CSF1: variants seen among roughly 807,000 people sequenced by gnomAD.
The protein encoded by CSF1 is macrophage colony-stimulating factor 1.
In CSF1, 9 loss-of-function variants were observed where a neutral mutation model predicts 48.9. The observed-to-expected ratio is 0.18, with a 90% CI of 0.11 to 0.32. The LOEUF (loss-of-function observed/expected upper bound fraction) is 0.32. Among genes scored for constraint, CSF1 ranks in the 10% least tolerant of loss-of-function variants. The probability of loss-of-function intolerance (pLI) is 1.00; values close to 1 mark genes in which losing one functional copy is unlikely to be tolerated. For synonymous variants in CSF1, 305 were observed against 284.1 expected (o/e 1.07, Z -0.74); for missense variants, 672 against 697.9 (o/e 0.96, Z 0.42).
intron 8 of CSF1, 58 bp downstream of exon 8, chr1:109,925,260 C>G: frequency 1.4e-6 from 2 of 1,459,378 alleles, no homozygotes; most frequent in Middle Eastern, 1.8e-4. Flanking sequence ...TTTCCAGTCA[C>G]GTTCACCTGT....
chr1:109,925,055 A>G, intron 7 of CSF1, 92 bp from the exon 8 acceptor site: 2 of 1,225,218 alleles, frequency 1.6e-6, no homozygotes, highest in South Asian at 1.2e-5. Context: ...GAGGGCCTAG[A>G]GCATGTCTGG....
chr1:109,911,981 G>A (rs1042647875), intron 1 of CSF1, among the ~76,000 whole-genome samples: 1 of 152,038 alleles, frequency 6.6e-6, no homozygotes, highest in Non-Finnish European at 1.5e-5. Context: ...AGTCCTGGAA[G>A]AAAATGAGAG....
rs113687620 is a variant in CSF1 at position 109,923,265 on chromosome 1, T to A, written c.644T>A (p.Met215Lys). The change falls in exon 6 of 9, where the codon ATG (methionine) becomes AAG (lysine). Residue 215 changes from methionine (M) to lysine (K), a missense_variant. Coordinates refer to ENST00000329608, the MANE Select transcript of CSF1 (RefSeq NM_000757.6). ...CCTCATCAGCCCCTCGCCCCCTCCA[T>A]GGCCCCTGTGGCTGGCTTGACCTGG... ...VSPHQPLAPS[M>K]APVAGLTWED... 12 of 1,610,822 alleles carry A rather than the reference T, an allele frequency of 7.4e-6. No homozygotes were observed. Among genetic ancestry groups the A allele is most frequent in the African/African-American group, 1.3e-5 (1 of 74,826 alleles).
At chr1:109,914,791 C>G (rs935253190) in intron 2 of CSF1, among the ~76,000 whole-genome samples, 2 of 152,246 alleles carry the variant, frequency 1.3e-5, no homozygotes, top group Non-Finnish European at 2.9e-5. Flanking sequence ...ATATGTGGCG[C>G]CAGTCTGGCA....
intron 4 of CSF1, among the ~76,000 whole-genome samples, chr1:109,918,689 C>A (rs774907530): frequency 4.6e-5 from 7 of 152,006 alleles, no homozygotes; most frequent in Non-Finnish European, 8.8e-5. Flanking sequence ...CGGGGATGAT[C>A]CATGGGCAGA....
intron 8 of CSF1, among the ~76,000 whole-genome samples, chr1:109,927,230 C>T (rs146373228): frequency 3.3e-5 from 5 of 152,338 alleles, no homozygotes; most frequent in South Asian, 4.1e-4. Flanking sequence ...AAGCCAGTGC[C>T]GCAGGGCTCT....
In CSF1 at chr1:109,910,972, G is replaced by A. The variant is rs572084516; in HGVS notation, c.-52G>A. 9 of 1,154,074 alleles carry A rather than the reference G, an allele frequency of 7.8e-6. No homozygotes were observed. Among genetic ancestry groups the A allele is most frequent in the African/African-American group, 1.6e-5 (1 of 60,894 alleles). The allele number at this position is 1,154,074 out of a possible 1,614,324, so 71.5% of individuals were successfully genotyped here. A position where few individuals can be genotyped will look rare whatever the true frequency, so the allele number is the denominator to read the frequency against. ...GCCCACTCCGCAGCAGCCAGCGAGC[G>A]AGCGAGCGAGCGAGGGCGGCCGACG... On this transcript the variant is annotated 5_prime_UTR_variant, in exon 1 of 9. Coordinates refer to ENST00000329608, the MANE Select transcript of CSF1 (RefSeq NM_000757.6).
intron 6 of CSF1, among the ~76,000 whole-genome samples, chr1:109,924,420 G>C (rs1263855335): frequency 1.3e-5 from 2 of 152,166 alleles, no homozygotes; most frequent in Non-Finnish European, 2.9e-5. Flanking sequence ...AAGGGAGCGG[G>C]AGAGAATATT....
intron 5 of CSF1, 104 bp from the exon 6 acceptor site, chr1:109,923,062 G>C: frequency 1.7e-6 from 2 of 1,160,922 alleles, no homozygotes; most frequent in Non-Finnish European, 2.4e-6. Context: ...GGGCCCCCCA[G>C]ACTCACATTC....
At chr1:109,917,234 G>C in intron 3 of CSF1, 59 bp from the exon 4 acceptor site, 1 of 1,573,976 alleles carries the variant, frequency 6.4e-7, no homozygotes, top group Non-Finnish European at 8.7e-7. Flanking sequence ...ATCTGCCTGG[G>C]GTTGGGGGTT....
In CSF1 at chr1:109,911,953, A is replaced by G. The variant is rs1570784408; in HGVS notation, c.39+891A>G. 2.0e-5 allele frequency among the ~76,000 whole-genome samples: 3 copies of G among 152,096 alleles called. No homozygotes were observed. In the East Asian group the frequency reaches 5.8e-4, roughly 29 times the overall value. On this transcript the variant is annotated intron_variant, in intron 1 of 8. Coordinates refer to ENST00000329608, the MANE Select transcript of CSF1 (RefSeq NM_000757.6). ...TTCATGACCAGTCAGTGGGCTCATAATAGATTTGCTTCTGAGGAGTCCTGG... is the reference window on the plus strand; with the variant it reads ...TTCATGACCAGTCAGTGGGCTCATAGTAGATTTGCTTCTGAGGAGTCCTGG...
chr1:109,919,032 G>A (rs333969), intron 4 of CSF1, among the ~76,000 whole-genome samples: 151,743 of 152,138 alleles, frequency 1, 75,678 homozygotes, highest in Non-Finnish European at 1. Flanking sequence ...AAGGGATGGA[G>A]ATTCATAAAA....
At chr1:109,918,102 A>G (rs11102030) in intron 4 of CSF1, among the ~76,000 whole-genome samples, 12,737 of 152,258 alleles carry the variant, frequency 0.084, 886 homozygotes, top group African/African-American at 0.19. Flanking sequence ...CAGAGACAAG[A>G]AAGGCTTCTG....
Position 109,929,037 on chromosome 1 carries a change from A to G in CSF1, c.*199A>G. 6.5e-6 allele frequency: 1 copy of G among 152,848 alleles called. No individual in the cohort carries two copies. The highest frequency in any genetic ancestry group is 1.5e-5 in the Non-Finnish European group (1 of 68,114). 9.5% of individuals were successfully genotyped at this position (152,848 alleles called of 1,614,324 possible). A position where few individuals can be genotyped will look rare whatever the true frequency, so the allele number is the denominator to read the frequency against. On this transcript the variant is annotated 3_prime_UTR_variant, in exon 9 of 9. Transcript: ENST00000329608. ...CCGCAGACCCTTGACTGAATGAGAG[A>G]GGCCAGAGGATGCTCCCCATGCTGC...
intron 5 of CSF1, among the ~76,000 whole-genome samples, chr1:109,922,852 C>G (rs1026048361): frequency 1.3e-5 from 2 of 152,184 alleles, no homozygotes; most frequent in East Asian, 3.9e-4. Flanking sequence ...TGCTGCTCAC[C>G]CCTAGCTTGG....
At chr1:109,925,311 A>C in intron 8 of CSF1, 109 bp downstream of exon 8, 2 of 882,022 alleles carry the variant, frequency 2.3e-6, no homozygotes, top group Non-Finnish European at 1.9e-6. Context: ...ACTGACTCCC[A>C]TGCCTCTCTC....
At chr1:109,915,737 A>C (rs1467551458) in intron 3 of CSF1, 41 bp downstream of exon 3, 1 of 1,515,486 alleles carries the variant, frequency 6.6e-7, no homozygotes, top group African/African-American at 1.4e-5. Context: ...ACCAGCCTGC[A>C]TGCAACTCCC....
chr1:109,925,047 G>A, intron 7 of CSF1, 100 bp from the exon 8 acceptor site: 3 of 1,167,694 alleles, frequency 2.6e-6, no homozygotes, highest in Admixed American at 1.7e-5. Context: ...CAATCTGAGA[G>A]GGCCTAGAGC....
rs987277680 is a variant in CSF1 at position 109,911,058 on chromosome 1, C to G, written c.35C>G (p.Pro12Arg). 9.0e-6 allele frequency: 10 copies of G among 1,107,604 alleles called. No individual in the cohort carries two copies. The African/African-American group carries it at 1.3e-4, about 15-fold the overall frequency. The allele number at this position is 1,107,604 out of a possible 1,614,324, so 68.6% of individuals were successfully genotyped here. A position where few individuals can be genotyped will look rare whatever the true frequency, so the allele number is the denominator to read the frequency against. Residue 12 changes from proline to arginine, a missense_variant, in exon 1 of 9, where the codon CCC (proline) becomes CGC (arginine). By Grantham distance (103) the Pro-to-Arg change is moderately radical. Around this residue, in one of 3 missense-constraint regions of CSF1, gnomAD observed 53 missense variants for 45.5 expected, o/e 1.17. Transcript: ENST00000329608. ...TAPGAAGRCP[P>R]TTWLGSLLLL... ...CCGGGCGCCGCCGGGCGCTGCCCTC[C>G]CACGGTAAGCGACGGCCGCGGCGCT...
Sources: allele counts gnomAD v4.1 joint callset (sites outside exome capture counted in the v4.1 genomes callset), GRCh38; gene constraint gnomAD v4.1.1; regional missense constraint gnomAD v4.1.1; transcripts MANE v1.5; gene names NCBI Gene and HGNC (gene_info 2026-07-23, HGNC 2026-07-21).